Variants in UGT3A1 observed in about 807,000 individuals in gnomAD.
UGT3A1 encodes UDP-glycosyltransferase 3A1.
A neutral mutation model predicts 37.6 loss-of-function variants in UGT3A1; 40 were observed. The observed-to-expected ratio is 1.06, with a 90% CI of 0.83 to 1.38. The LOEUF (loss-of-function observed/expected upper bound fraction) is 1.38, where lower values mean the gene tolerates loss of function less well. Ranked by LOEUF, UGT3A1 falls within the 40% of genes most tolerant of loss-of-function variation. UGT3A1 has a pLI of 0.00. For synonymous variants in UGT3A1, 256 were observed against 232.3 expected (o/e 1.10, Z -0.93); for missense variants, 642 against 634.2 (o/e 1.01, Z -0.13).
Position 35,952,256 on chromosome 5 carries a change from T to C in UGT3A1, c.*1946A>G, listed in dbSNP as rs1739213146. 6.6e-6 allele frequency: 1 copy of C among 151,822 alleles called. No homozygotes were observed. Among genetic ancestry groups the C allele is most frequent in the Non-Finnish European group, 1.5e-5 (1 of 67,988 alleles). 9.4% of individuals were successfully genotyped at this position (151,822 alleles called of 1,614,324 possible). On this transcript the variant is annotated 3_prime_UTR_variant, in exon 7 of 7. Transcript: ENST00000274278. ...AACAGCAAAATGTGTTCTGAGGGGG[T>C]GTAGCGAACATTTGGAAAAGAGTGG...
Position 35,988,449 on chromosome 5 carries a change from C to T in UGT3A1, c.196+1G>A, listed in dbSNP as rs751681321. 3.8e-6 allele frequency: 6 copies of T among 1,585,474 alleles called. No homozygotes were observed. The African/African-American group carries it at 6.9e-5, about 18-fold the overall frequency. ...TAAAAATTAGTTTTTAAAAAAGATA[C>T]CTGGGATCAAAAACTTTCCACTCTG... is the stretch of plus-strand genomic sequence containing the variant. On this transcript the variant is annotated splice_donor_variant, in intron 2 of 6. Coordinates refer to ENST00000274278, the MANE Select transcript of UGT3A1 (RefSeq NM_152404.4). LOFTEE classifies it high-confidence loss of function.
upstream of UGT3A1, among the ~76,000 whole-genome samples, chr5:35,994,564 A>T (rs1741050159): frequency 6.6e-6 from 1 of 152,126 alleles, no homozygotes; most frequent in Non-Finnish European, 1.5e-5. Flanking sequence ...GCCTCTGAAT[A>T]GGTTTCCCCC....
chr5:35,991,944 G>C (rs1740964694), upstream of UGT3A1, among the ~76,000 whole-genome samples: 2 of 152,166 alleles, frequency 1.3e-5, no homozygotes, highest in Non-Finnish European at 2.9e-5. Context: ...TCATAAAATA[G>C]AACTAGGGAT....
chr5:35,990,958 T>C, intron 1 of UGT3A1, 189 bp downstream of exon 1: 2 of 1,483,706 alleles, frequency 1.3e-6, no homozygotes, highest in Non-Finnish European at 8.9e-7. Context: ...AAAACTGTCT[T>C]CCTCACCTCA....
intron 3 of UGT3A1, among the ~76,000 whole-genome samples, chr5:35,967,225 C>A (rs777248445): frequency 2.6e-5 from 4 of 152,176 alleles, no homozygotes; most frequent in Non-Finnish European, 5.9e-5. Context: ...TGCTATATGC[C>A]AGACCTATGG....
chr5:35,975,971 G>A (rs1740252143), intron 2 of UGT3A1, among the ~76,000 whole-genome samples: 1 of 152,092 alleles, frequency 6.6e-6, no homozygotes, highest in Admixed American at 6.5e-5. Context: ...TTCTCCCATA[G>A]CAAGGATTCA....
chr5:35,966,355 T>G (rs1403755009), intron 3 of UGT3A1, among the ~76,000 whole-genome samples: 3 of 152,246 alleles, frequency 2.0e-5, no homozygotes, highest in African/African-American at 7.2e-5. Flanking sequence ...GATGATGTAG[T>G]CTTTTTAAAA....
chr5:35,977,121 A>T (rs1740320304), intron 2 of UGT3A1, among the ~76,000 whole-genome samples: 1 of 150,898 alleles, frequency 6.6e-6, no homozygotes, highest in Non-Finnish European at 1.5e-5. Flanking sequence ...AGAGAAAGAA[A>T]AGAAGGAAGG....
At chr5:35,972,494 C>CGA (rs1740083888) in intron 2 of UGT3A1, among the ~76,000 whole-genome samples, 1 of 141,338 alleles carries the variant, frequency 7.1e-6, no homozygotes, top group Non-Finnish European at 1.5e-5. Flanking sequence ...CCTTGAAATA[C>CGA]GTGTGTGTGT....
chr5:35,999,338 A>G (rs564014535), intron 1 of UGT3A1, among the ~76,000 whole-genome samples: 4 of 152,280 alleles, frequency 2.6e-5, no homozygotes, highest in East Asian at 1.9e-4. Context: ...ACTCAAAACT[A>G]GACTCCACAG....
chr5:35,957,079 G>A lies in UGT3A1; in HGVS notation c.1075+109C>T, dbSNP rs1036458161. On this transcript the variant is annotated intron_variant, in intron 5 of 6. Transcript: ENST00000274278. ...TCCTCTGAGCATTACCTTTACCTAT[G>A]AGTAGCTACTACGTAGGCTGATACA... 4.9e-6 allele frequency: 4 copies of A among 822,556 alleles called. No homozygotes were observed. In the South Asian group the frequency reaches 7.0e-5, roughly 14 times the overall value. 51.0% of individuals were successfully genotyped at this position (822,556 alleles called of 1,614,324 possible). A position where few individuals can be genotyped will look rare whatever the true frequency, so the allele number is the denominator to read the frequency against.
chr5:35,998,371 G>C (rs980534555), intron 1 of UGT3A1, among the ~76,000 whole-genome samples: 2 of 152,324 alleles, frequency 1.3e-5, no homozygotes, highest in African/African-American at 4.8e-5. Context: ...TTCTGTACAA[G>C]TCTGTTGAAG....
chr5:35,975,800 A>G (rs980330002), intron 2 of UGT3A1, among the ~76,000 whole-genome samples: 9 of 152,134 alleles, frequency 5.9e-5, no homozygotes, highest in African/African-American at 2.2e-4. Context: ...ACCCATTAAC[A>G]CGTCATTTAC....
At chr5:35,994,044 A>T (rs549985563), upstream of UGT3A1, among the ~76,000 whole-genome samples, 1 of 151,752 alleles carries the variant, frequency 6.6e-6, no homozygotes, top group African/African-American at 2.4e-5. Flanking sequence ...TTAAAAAAAA[A>T]CTCCTTTTTT....
At chr5:35,989,435 C>A (rs1222109455) in intron 1 of UGT3A1, among the ~76,000 whole-genome samples, 1 of 152,094 alleles carries the variant, frequency 6.6e-6, no homozygotes, top group East Asian at 1.9e-4. Flanking sequence ...TGGAAAAATG[C>A]CGAGAGTTTG....
At chr5:35,956,201 C>T (rs770641641) in intron 5 of UGT3A1, among the ~76,000 whole-genome samples, 1 of 152,234 alleles carries the variant, frequency 6.6e-6, no homozygotes, top group Non-Finnish European at 1.5e-5. Flanking sequence ...CTCTCTGTTG[C>T]TTCATAGTAC....
chr5:35,980,153 CT>C (rs1400216132), intron 2 of UGT3A1, among the ~76,000 whole-genome samples: 3 of 135,966 alleles, frequency 2.2e-5, no homozygotes, highest in Admixed American at 2.2e-4. Flanking sequence ...GTCAATATTA[CT>C]TCTGTAAAAT....
chr5:35,975,802 G>T (rs536506532), intron 2 of UGT3A1, among the ~76,000 whole-genome samples: 2 of 151,952 alleles, frequency 1.3e-5, no homozygotes, highest in Non-Finnish European at 2.9e-5. Flanking sequence ...CCATTAACAC[G>T]TCATTTACAT....
At position 35,957,377 on chromosome 5, in the gene UGT3A1, C is replaced by G; in HGVS notation, c.886G>C (p.Val296Leu). 6.2e-7 allele frequency: 1 copy of G among 1,614,144 alleles called. No individual in the cohort carries two copies. Among genetic ancestry groups the G allele is most frequent in the Non-Finnish European group, 8.5e-7 (1 of 1,180,030 alleles). ...AACATGGAGCCAAAGGCCACAAGGA[C>G]AAACCCTGCATCCCCAAAGTTGGCA... ...FIANFGDAGF[V>L]LVAFGSMLNT... Residue 296 changes from valine to leucine, a missense_variant, in exon 5 of 7, where the codon GTC (valine) becomes CTC (leucine). Physicochemically the swap from Val to Leu is conservative, Grantham distance 32 (BLOSUM62 1). Transcript: ENST00000274278.
Sources: gnomAD v4.1 joint callset for allele counts (sites outside exome capture counted in the v4.1 genomes callset) on GRCh38, gnomAD v4.1.1 for gene constraint, MANE v1.5 for transcripts, NCBI Gene and HGNC (gene_info 2026-07-23, HGNC 2026-07-21) for gene names.